PDE7B: variants seen among roughly 807,000 people sequenced by gnomAD.
The protein encoded by PDE7B is 3',5'-cyclic-AMP phosphodiesterase 7B.
PDE7B carries 29 observed loss-of-function variants against 56.2 expected under a neutral mutation model. The observed-to-expected ratio is 0.52, with a 90% CI of 0.38 to 0.70. The LOEUF (loss-of-function observed/expected upper bound fraction) is 0.70. Ranked by LOEUF, PDE7B falls within the 30% of genes least tolerant of loss-of-function variation. PDE7B has a pLI of 0.00. For missense variants in PDE7B, 490 were observed against 565.0 expected, an observed-to-expected ratio of 0.87 and a Z score of 1.35; for synonymous variants, 197 against 196.9, an observed-to-expected ratio of 1.00 and a Z score of 0.00.
chr6:136,169,265 C>T (rs1049830208), intron 8 of PDE7B, among the ~76,000 whole-genome samples: 2 of 152,082 alleles, frequency 1.3e-5, no homozygotes, highest in South Asian at 4.1e-4. Flanking sequence ...CACCATGGTG[C>T]CCCTATTTCC....
intron 2 of PDE7B, 80 bp downstream of exon 2, chr6:135,947,604 C>G: frequency 9.5e-7 from 1 of 1,057,052 alleles, no homozygotes; most frequent in Non-Finnish European, 1.5e-6. Flanking sequence ...TTTTGGCTGT[C>G]TCTCATTCTG....
intron 9 of PDE7B, 106 bp from the exon 10 acceptor site, chr6:136,178,891 A>C: frequency 8.3e-7 from 1 of 1,210,914 alleles, no homozygotes; most frequent in Non-Finnish European, 1.2e-6. Context: ...AACAGAATCA[A>C]AGGCAGAAAT....
At chr6:135,940,067 C>G (rs1281388056) in intron 1 of PDE7B, among the ~76,000 whole-genome samples, 2 of 152,094 alleles carry the variant, frequency 1.3e-5, no homozygotes, top group African/African-American at 4.8e-5. Flanking sequence ...ACTATTGACC[C>G]CAATTTTTCT....
At chr6:136,066,615 T>C (rs908333801) in intron 2 of PDE7B, among the ~76,000 whole-genome samples, 13 of 152,194 alleles carry the variant, frequency 8.5e-5, no homozygotes, top group Non-Finnish European at 1.8e-4. Context: ...TTAAAGTTTT[T>C]ACTAAAAATC....
At chr6:135,910,500 TG>T (rs1273660857) in intron 1 of PDE7B, among the ~76,000 whole-genome samples, 1 of 152,202 alleles carries the variant, frequency 6.6e-6, no homozygotes, top group Non-Finnish European at 1.5e-5. Flanking sequence ...ATAAGCCACT[TG>T]CCCCCACACA....
chr6:135,912,245 A>G (rs1776225307), intron 1 of PDE7B, among the ~76,000 whole-genome samples: 1 of 152,340 alleles, frequency 6.6e-6, no homozygotes, highest in South Asian at 2.1e-4. Context: ...TGGGTTCCAC[A>G]TCAGCAGATT....
At chr6:136,171,625 A>G (rs963006077) in intron 8 of PDE7B, among the ~76,000 whole-genome samples, 8 of 151,902 alleles carry the variant, frequency 5.3e-5, no homozygotes, top group African/African-American at 1.9e-4. Context: ...TACCTATTTC[A>G]CTGCTTCACT....
chr6:136,060,893 C>T (rs1022517720), intron 2 of PDE7B, among the ~76,000 whole-genome samples: 1 of 152,058 alleles, frequency 6.6e-6, no homozygotes, highest in Non-Finnish European at 1.5e-5. Flanking sequence ...AAAAGAAGTC[C>T]TTGGAGTTGT....
chr6:136,118,229 G>A (rs1240857578), intron 3 of PDE7B, among the ~76,000 whole-genome samples: 1 of 152,126 alleles, frequency 6.6e-6, no homozygotes, highest in African/African-American at 2.4e-5. Context: ...TGTCCTTTGT[G>A]AAGCCTTCTT....
chr6:136,106,853 A>G (rs983829881), intron 2 of PDE7B, among the ~76,000 whole-genome samples: 1 of 152,188 alleles, frequency 6.6e-6, no homozygotes, highest in Non-Finnish European at 1.5e-5. Flanking sequence ...TAAAGTACAT[A>G]AGTACATTTT....
chr6:136,134,734 C>CA (rs67667001), intron 3 of PDE7B, among the ~76,000 whole-genome samples: 2,160 of 90,966 alleles, frequency 0.024, 38 homozygotes, highest in South Asian at 0.042. Context: ...TTATGGTAGG[C>CA]AAAAAAAAAA....
At chr6:135,917,149 AG>A (rs937146177) in intron 1 of PDE7B, among the ~76,000 whole-genome samples, 1 of 152,218 alleles carries the variant, frequency 6.6e-6, no homozygotes, top group African/African-American at 2.4e-5. Flanking sequence ...GCTTTATAGC[AG>A]GTTGTAAAAT....
At chr6:136,004,029 G>T (rs1253891582) in intron 2 of PDE7B, among the ~76,000 whole-genome samples, 1 of 152,042 alleles carries the variant, frequency 6.6e-6, no homozygotes, top group African/African-American at 2.4e-5. Flanking sequence ...TCATCCCTGG[G>T]ATGCAAGGCT....
chr6:135,973,968 C>T lies in PDE7B; in HGVS notation c.82+26444C>T, dbSNP rs148929189. 3.3e-4 allele frequency among the ~76,000 whole-genome samples: 50 copies of T among 152,262 alleles called. No individual in the cohort carries two copies. In the East Asian group the frequency reaches 7.3e-3, roughly 22 times the overall value. On this transcript the variant is annotated intron_variant, in intron 2 of 12. Transcript: ENST00000308191. ...AGGAAGACAATTCAGTCTCCATGTACTAGGGGTCCTCTGTTCCTCTGCTGA... is the reference window on the plus strand; with the variant it reads ...AGGAAGACAATTCAGTCTCCATGTATTAGGGGTCCTCTGTTCCTCTGCTGA...
chr6:135,989,299 CAGG>C (rs1360124228), intron 2 of PDE7B, among the ~76,000 whole-genome samples: 2 of 152,092 alleles, frequency 1.3e-5, no homozygotes, highest in East Asian at 3.9e-4. Context: ...TGACTGCTAC[CAGG>C]AGGTCCTCAA....
intron 10 of PDE7B, among the ~76,000 whole-genome samples, chr6:136,180,205 A>G (rs1174688792): frequency 6.6e-6 from 1 of 152,224 alleles, no homozygotes; most frequent in African/African-American, 2.4e-5. Flanking sequence ...TCCCAGCAGT[A>G]GAACTATGAC....
At chr6:136,139,276 A>G (rs1778272600) in intron 3 of PDE7B, among the ~76,000 whole-genome samples, 1 of 152,154 alleles carries the variant, frequency 6.6e-6, no homozygotes, top group Non-Finnish European at 1.5e-5. Flanking sequence ...AGCTTCATCC[A>G]TGTCCCTACA....
At chr6:135,926,900 C>T (rs1453987084) in intron 1 of PDE7B, among the ~76,000 whole-genome samples, 3 of 152,138 alleles carry the variant, frequency 2.0e-5, no homozygotes, top group African/African-American at 4.8e-5. Flanking sequence ...AAAGATTCCG[C>T]ATAATCTTTA....
chr6:135,859,438 AG>A, intron 1 of PDE7B, among the ~76,000 whole-genome samples: 1 of 152,096 alleles, frequency 6.6e-6, no homozygotes. Context: ...TTGTGTTTGG[AG>A]TAAAAAATAA....
Sources: gnomAD v4.1 joint callset for allele counts (sites outside exome capture counted in the v4.1 genomes callset) on GRCh38, gnomAD v4.1.1 for gene constraint, MANE v1.5 for transcripts, NCBI Gene and HGNC (gene_info 2026-07-23, HGNC 2026-07-21) for gene names.